TNFRSF10B: variants seen among roughly 807,000 people sequenced by gnomAD.
TNFRSF10B encodes TNF receptor superfamily member 10b.
A neutral mutation model predicts 41.4 loss-of-function variants in TNFRSF10B; 35 were observed. The ratio of observed to expected loss-of-function variants is 0.85; its 90% CI spans 0.65 to 1.12. TNFRSF10B has a LOEUF of 1.12. TNFRSF10B is among the 50% of genes most tolerant of loss of function. The probability of loss-of-function intolerance (pLI) is 0.00; values close to 1 mark genes in which losing one functional copy is unlikely to be tolerated. For synonymous variants in TNFRSF10B, 230 were observed against 215.5 expected (o/e 1.07, Z -0.59); for missense variants, 584 against 552.7 (o/e 1.06, Z -0.57).
intron 1 of TNFRSF10B, among the ~76,000 whole-genome samples, chr8:23,061,335 T>C (rs1585228386): frequency 6.6e-6 from 1 of 152,220 alleles, no homozygotes; most frequent in Non-Finnish European, 1.5e-5. Flanking sequence ...ACCACTTGGT[T>C]TGAAATCTCC....
Position 23,022,308 on chromosome 8 carries a change from A to G in TNFRSF10B, c.*363T>C. ...ATCATATAGTATCAAGTGAAGTCGG[A>G]CAACGACTGTGTAGATGGATCTTAC... On this transcript the variant is annotated 3_prime_UTR_variant, in exon 9 of 9. Coordinates refer to ENST00000276431, the MANE Select transcript of TNFRSF10B (RefSeq NM_003842.5). 1 of 460,670 alleles carries G rather than the reference A, an allele frequency of 2.2e-6. No homozygotes were observed. Among genetic ancestry groups the G allele is most frequent in the Admixed American group, 2.3e-5 (1 of 42,740 alleles). 28.5% of individuals were successfully genotyped at this position (460,670 alleles called of 1,614,324 possible). A position where few individuals can be genotyped will look rare whatever the true frequency, so the allele number is the denominator to read the frequency against.
rs1186144314 is a variant in TNFRSF10B, at chr8:23,040,426, AATAT to A, written c.250+2708_250+2711del. 2.4e-5 allele frequency among the ~76,000 whole-genome samples: 2 copies of A among 82,878 alleles called. 1 individual carries two copies. The highest frequency in any genetic ancestry group is 5.8e-5 in the Non-Finnish European group (2 of 34,484). 54.4% of individuals were successfully genotyped at this position (82,878 alleles called of 152,430 possible). The stretch of plus-strand genomic sequence containing the variant: ...ATATATACAAAATATATATTTATTA[AATAT>A]ATATATACAAAATATATATTTATTA... On this transcript the variant is annotated intron_variant, in intron 2 of 8. Coordinates refer to ENST00000276431, the MANE Select transcript of TNFRSF10B (RefSeq NM_003842.5).
chr8:23,068,886 T>C lies in TNFRSF10B; in HGVS notation c.9A>G (p.Gln3=), dbSNP rs763911289. ME[Q]RGQNAPAASG... is the part of the protein sequence containing the mutation. Reference sequence around the variant, plus strand: ...AAGCGGCCGGGGCGTTCTGTCCCCGTTGTTCCATGGCGGTAGGGAACGCTC... The same window carrying C: ...AAGCGGCCGGGGCGTTCTGTCCCCGCTGTTCCATGGCGGTAGGGAACGCTC... The change falls in exon 1 of 9, where the codon CAA becomes CAG. Residue 3 remains glutamine (Q), a synonymous_variant. Coordinates refer to ENST00000276431, the MANE Select transcript of TNFRSF10B (RefSeq NM_003842.5). The C allele has an allele frequency of 1.9e-6, 3 of 1,613,394 alleles. No individual in the cohort carries two copies. The highest frequency in any genetic ancestry group is 2.7e-5 in the African/African-American group (2 of 74,932).
At chr8:23,030,535 T>C (rs541942882) in intron 3 of TNFRSF10B, among the ~76,000 whole-genome samples, 2 of 152,146 alleles carry the variant, frequency 1.3e-5, no homozygotes, top group African/African-American at 4.8e-5. Flanking sequence ...GGTTTCAAAC[T>C]CCTGGGCTCA....
At chr8:23,053,279 A>C (rs1476706359) in intron 1 of TNFRSF10B, among the ~76,000 whole-genome samples, 1 of 152,154 alleles carries the variant, frequency 6.6e-6, no homozygotes, top group Admixed American at 6.5e-5. Context: ...TTAAAATCCC[A>C]AATTTACCAA....
At chr8:23,027,089 G>A (rs764943945) in intron 7 of TNFRSF10B, 44 bp downstream of exon 7, 19 of 1,612,848 alleles carry the variant, frequency 1.2e-5, no homozygotes, top group Non-Finnish European at 1.5e-5. Context: ...GAAATCCCAG[G>A]TGAGCAGCAT....
chr8:23,031,374 C>A (rs1811878399), intron 2 of TNFRSF10B, among the ~76,000 whole-genome samples: 1 of 104,036 alleles, frequency 9.6e-6, no homozygotes, highest in Non-Finnish European at 2.1e-5. Context: ...CTGCACCCGG[C>A]CTATTTATTT....
At chr8:23,051,790 A>G (rs900181050) in intron 1 of TNFRSF10B, among the ~76,000 whole-genome samples, 2 of 151,758 alleles carry the variant, frequency 1.3e-5, no homozygotes, top group Admixed American at 6.6e-5. Flanking sequence ...TGATCCGCCC[A>G]CCTCGGCCTC....
chr8:23,028,118 TG>T, intron 5 of TNFRSF10B: 2 of 655,692 alleles, frequency 3.1e-6, no homozygotes, highest in South Asian at 1.9e-5. Flanking sequence ...CTGGGAGATA[TG>T]GGGACCCCCA....
At chr8:23,028,223 G>A in intron 5 of TNFRSF10B, 108 bp downstream of exon 5, 2 of 1,492,352 alleles carry the variant, frequency 1.3e-6, no homozygotes, top group Non-Finnish European at 1.9e-6. Flanking sequence ...GAGCCAGGCT[G>A]GAGGCACTTA....
At chr8:23,060,981 G>A (rs767821640) in intron 1 of TNFRSF10B, among the ~76,000 whole-genome samples, 5 of 151,854 alleles carry the variant, frequency 3.3e-5, no homozygotes, top group East Asian at 1.9e-4. Context: ...TTTGTATTCC[G>A]CTTCTTTGAT....
At chr8:23,050,573 G>C (rs941658604) in intron 1 of TNFRSF10B, among the ~76,000 whole-genome samples, 1 of 151,976 alleles carries the variant, frequency 6.6e-6, no homozygotes, top group African/African-American at 2.4e-5. Flanking sequence ...TTTCTTCTCA[G>C]TTGACTGAAT....
In TNFRSF10B at chr8:23,069,009, GT is replaced by G; in HGVS notation, c.-116del. 1 of 1,542,316 alleles carries G rather than the reference GT, an allele frequency of 6.5e-7. No homozygotes were observed. Among genetic ancestry groups the G allele is most frequent in the Non-Finnish European group, 8.8e-7 (1 of 1,131,830 alleles). On this transcript the variant is annotated 5_prime_UTR_variant, in exon 1 of 9. Transcript: ENST00000276431. ...AGAGATTGCGGGGTTCTCCGGCCGCGTGCTGATTTATGTGTCCAGGCTGACT... is the reference window on the plus strand; with the variant it reads ...AGAGATTGCGGGGTTCTCCGGCCGCGGCTGATTTATGTGTCCAGGCTGACT...
At chr8:23,031,950 T>C (rs1343670099) in intron 2 of TNFRSF10B, among the ~76,000 whole-genome samples, 1 of 150,180 alleles carries the variant, frequency 6.7e-6, no homozygotes. Flanking sequence ...CTTGCTCTGT[T>C]GCCCAGGCTA....
In TNFRSF10B at chr8:23,021,669, C is replaced by G. The variant is rs762575410; in HGVS notation, c.*1002G>C. ...CACAGGACTTCACGTGGATCCAGTT[C>G]TCTTTGGTCCCGACTCATATGTAAA... On this transcript the variant is annotated 3_prime_UTR_variant, in exon 9 of 9. Transcript: ENST00000276431. 4 of 453,990 alleles carry G rather than the reference C, an allele frequency of 8.8e-6. No individual in the cohort carries two copies. Among genetic ancestry groups the G allele is most frequent in the African/African-American group, 2.0e-5 (1 of 49,994 alleles). 28.1% of individuals were successfully genotyped at this position (453,990 alleles called of 1,614,324 possible).
intron 4 of TNFRSF10B, among the ~76,000 whole-genome samples, 170 bp from the exon 5 acceptor site, chr8:23,028,772 AG>A (rs1811790539): frequency 6.6e-6 from 1 of 152,182 alleles, no homozygotes; most frequent in Non-Finnish European, 1.5e-5. Context: ...AGGCTGGGGA[AG>A]GGTCTGAGCA....
intron 2 of TNFRSF10B, among the ~76,000 whole-genome samples, chr8:23,032,467 G>A (rs1028945366): frequency 6.6e-6 from 1 of 152,282 alleles, no homozygotes; most frequent in East Asian, 1.9e-4. Context: ...TGTGAGTCCC[G>A]CCAACTCTGC....
intron 7 of TNFRSF10B, 98 bp from the exon 8 acceptor site, chr8:23,024,358 C>A: frequency 1.5e-6 from 2 of 1,314,676 alleles, no homozygotes; most frequent in Non-Finnish European, 2.2e-6. Context: ...TGCAGCACGT[C>A]ACTTCCAGAA....
intron 1 of TNFRSF10B, among the ~76,000 whole-genome samples, chr8:23,063,776 A>T (rs953205402): frequency 5.3e-5 from 8 of 152,152 alleles, no homozygotes; most frequent in Non-Finnish European, 8.8e-5. Context: ...GTGAACAATG[A>T]TCTTTAATGG....
Sources: gnomAD v4.1 joint callset for allele counts (sites outside exome capture counted in the v4.1 genomes callset) on GRCh38, gnomAD v4.1.1 for gene constraint, MANE v1.5 for transcripts, NCBI Gene and HGNC (gene_info 2026-07-23, HGNC 2026-07-21) for gene names.